The following MICAL3 variants were observed in gnomAD, a reference collection of about 807,000 sequenced individuals.
MICAL3 encodes microtubule associated monooxygenase, calponin and LIM domain containing 3, also known as [F-actin]-monooxygenase MICAL3.
A neutral mutation model predicts 207.4 loss-of-function variants in MICAL3; 62 were observed. That is an observed-to-expected ratio of 0.30 (90% CI 0.24 to 0.37). The LOEUF (loss-of-function observed/expected upper bound fraction) is 0.37, where lower values mean the gene tolerates loss of function less well. Among genes scored for constraint, MICAL3 ranks in the 10% least tolerant of loss-of-function variants. The pLI, the probability that MICAL3 is intolerant of heterozygous loss-of-function variation, is 1.00. For synonymous variants in MICAL3, 1,077 were observed against 1,069.3 expected (o/e 1.01, Z -0.14); for missense variants, 2,368 against 2,635.6 (o/e 0.90, Z 2.22).
chr22:17,829,828 C>A (rs1922605250), intron 21 of MICAL3, among the ~76,000 whole-genome samples: 2 of 152,174 alleles, frequency 1.3e-5, no homozygotes, highest in Admixed American at 1.3e-4. Flanking sequence ...TTCCATGAGG[C>A]CACTTCTGGA....
At position 17,795,482 on chromosome 22, in the gene MICAL3, G is replaced by A. The variant is rs542591967; in HGVS notation, c.5651-4181C>T. 2.6e-5 allele frequency among the ~76,000 whole-genome samples: 4 copies of A among 152,316 alleles called. No homozygotes were observed. The South Asian group carries it at 6.2e-4, about 24-fold the overall frequency. On this transcript the variant is annotated intron_variant, in intron 29 of 31. Transcript: ENST00000441493. ...CCTGCACGGGTAATAATTACAACAC[G>A]TGTTTCTGCTTTCTGGACAGCACAA...
At chr22:17,926,930 G>GAT (rs1000851152) in intron 1 of MICAL3, among the ~76,000 whole-genome samples, 18 of 151,454 alleles carry the variant, frequency 1.2e-4, no homozygotes, top group Non-Finnish European at 2.2e-4. Flanking sequence ...ATTGTGTTAA[G>GAT]ATATATATAA....
Position 17,791,662 on chromosome 22 carries a change from C to T in MICAL3, c.5651-361G>A. ...ATTTGGCACTTGCTATGTACTAGGT[C>T]TCCTTGGAGGAAACCCGTCTTGTTA... On this transcript the variant is annotated intron_variant, in intron 29 of 31. Coordinates refer to ENST00000441493, the MANE Select transcript of MICAL3 (RefSeq NM_015241.3). 1.4e-5 allele frequency: 4 copies of T among 278,358 alleles called. No individual in the cohort carries two copies. The South Asian group carries it at 1.8e-4, about 13-fold the overall frequency. 17.2% of individuals were successfully genotyped at this position (278,358 alleles called of 1,614,324 possible).
intron 20 of MICAL3, chr22:17,834,691 T>G: frequency 1.3e-6 from 1 of 788,402 alleles, no homozygotes; most frequent in Non-Finnish European, 1.6e-6. Context: ...AGGTCGAAAG[T>G]GGGCAAACCT....
At chr22:17,845,694 G>A (rs918227982) in intron 19 of MICAL3, among the ~76,000 whole-genome samples, 1 of 151,896 alleles carries the variant, frequency 6.6e-6, no homozygotes, top group African/African-American at 2.4e-5. Context: ...GAGGAGGAAA[G>A]GCATCACTCA....
In MICAL3 at chr22:17,901,982, G is replaced by A; in HGVS notation, c.590-3C>T. ...CACCAGTGCCCGCCAGCCTATCCCT[G>A]TGAACCAAAACCAAATAAATGGGGG... On this transcript the variant is annotated splice_region_variant and splice_polypyrimidine_tract_variant and intron_variant, in intron 4 of 31. Transcript: ENST00000441493. 1 of 1,610,764 alleles carries A rather than the reference G, an allele frequency of 6.2e-7. No individual in the cohort carries two copies. Among genetic ancestry groups the A allele is most frequent in the Non-Finnish European group, 8.5e-7 (1 of 1,178,322 alleles).
chr22:17,854,182 T>TCCCAGTTGAAA (rs1925644831), intron 19 of MICAL3, among the ~76,000 whole-genome samples: 1 of 151,636 alleles, frequency 6.6e-6, no homozygotes, highest in Non-Finnish European at 1.5e-5. Context: ...CCTGGGTCAC[T>TCCCAGTTGAAA]TGGCAATGTC....
chr22:17,818,147 G>T lies in MICAL3; in HGVS notation c.4514C>A (p.Pro1505His), dbSNP rs752726845. The change falls in exon 26 of 32, where the codon CCC becomes CAC. Residue 1505 changes from proline (P) to histidine (H), a missense_variant. Physicochemically the swap from Pro to His is moderately conservative, Grantham distance 77. Transcript: ENST00000441493. ...AAACGACTTCCGCACCTCCTCTCTG[G>T]GGGGCTGAGCAGGCTCCCGGGGGGG... is the stretch of plus-strand genomic sequence containing the variant. ...MRPPREPAQP[P>H]REEVRKSFVE... The T allele has an allele frequency of 5.0e-6, 8 of 1,605,994 alleles. No homozygotes were observed. In the African/African-American group the frequency reaches 5.3e-5, roughly 11 times the overall value.
At chr22:17,967,874 G>C (rs113941623) in intron 1 of MICAL3, among the ~76,000 whole-genome samples, 2 of 152,054 alleles carry the variant, frequency 1.3e-5, no homozygotes, top group East Asian at 1.9e-4. Flanking sequence ...GTGAAACCCT[G>C]TCTACTAAAA....
chr22:17,847,377 A>C (rs1456449982), intron 19 of MICAL3, among the ~76,000 whole-genome samples: 1 of 152,230 alleles, frequency 6.6e-6, no homozygotes, highest in African/African-American at 2.4e-5. Flanking sequence ...ACACAGACTG[A>C]TTCCCATCCT....
chr22:17,821,852 C>T (rs1921683883), intron 24 of MICAL3, among the ~76,000 whole-genome samples, 178 bp downstream of exon 24: 1 of 152,250 alleles, frequency 6.6e-6, no homozygotes, highest in African/African-American at 2.4e-5. Flanking sequence ...GCAACTGCAG[C>T]AGCCTGTGGC....
intron 1 of MICAL3, among the ~76,000 whole-genome samples, chr22:17,929,843 C>T (rs1309036356): frequency 1.3e-5 from 2 of 152,226 alleles, no homozygotes; most frequent in Non-Finnish European, 2.9e-5. Flanking sequence ...GCTGGGATTA[C>T]AGGCGTGAGC....
Position 17,978,371 on chromosome 22 carries a change from C to T in MICAL3, c.-75+45910G>A, listed in dbSNP as rs148684840. ...GAAAGAAAGTAGATGAGTAGTTGGC[C>T]ATGGCTCAGGAGAGGGGCTGGAGAA... On this transcript the variant is annotated intron_variant, in intron 1 of 31. Coordinates refer to ENST00000441493, the MANE Select transcript of MICAL3 (RefSeq NM_015241.3). 3.6e-3 allele frequency among the ~76,000 whole-genome samples: 542 copies of T among 152,254 alleles called. 3 individuals are homozygous for T. The highest frequency in any genetic ancestry group is 0.012 in the African/African-American group (514 of 41,540).
intron 1 of MICAL3, among the ~76,000 whole-genome samples, chr22:17,938,778 CA>C (rs1396456369): frequency 6.6e-6 from 1 of 152,154 alleles, no homozygotes; most frequent in African/African-American, 2.4e-5. Flanking sequence ...GCTGACATCT[CA>C]AGGTCATTCA....
intron 1 of MICAL3, among the ~76,000 whole-genome samples, chr22:17,953,391 G>T (rs890524955): frequency 2.0e-5 from 3 of 152,128 alleles, no homozygotes; most frequent in Non-Finnish European, 2.9e-5. Context: ...GGCAGTGGGG[G>T]TGGGCAATGC....
At chr22:17,866,613 C>CAGAATGGAAT (rs1556037532) in intron 17 of MICAL3, among the ~76,000 whole-genome samples, 1 of 136,176 alleles carries the variant, frequency 7.3e-6, no homozygotes, top group African/African-American at 2.9e-5. Flanking sequence ...TAGAACAGAA[C>CAGAATGGAAT]AGAATAGAAT....
rs5992126 is a variant in MICAL3 at position 17,867,748 on chromosome 22, C to T, written c.2429-1736G>A. ...GGGCAGCCCTTCCCTGGGGACTGCTCTCTGGATGGAAGCTATAAAGTTAAG... is the reference window on the plus strand; with the variant it reads ...GGGCAGCCCTTCCCTGGGGACTGCTTTCTGGATGGAAGCTATAAAGTTAAG... On this transcript the variant is annotated intron_variant, in intron 17 of 31. Coordinates refer to ENST00000441493, the MANE Select transcript of MICAL3 (RefSeq NM_015241.3). Among the ~76,000 whole-genome samples the T allele has an allele frequency of 9.9e-5, 15 of 152,206 alleles. No homozygotes were observed. In the East Asian group the frequency reaches 2.9e-3, roughly 29 times the overall value.
intron 19 of MICAL3, among the ~76,000 whole-genome samples, chr22:17,858,248 G>C (rs918508415): frequency 6.6e-6 from 1 of 152,222 alleles, no homozygotes; most frequent in African/African-American, 2.4e-5. Context: ...CAGCCAACAG[G>C]GTGCTGAGAA....
At chr22:18,001,218 G>A (rs1344290323) in intron 1 of MICAL3, 2 of 151,962 alleles carry the variant, frequency 1.3e-5, no homozygotes, top group Admixed American at 6.6e-5. Flanking sequence ...GGCGGCTCCC[G>A]GCTTCGGCAC....
Sources: allele counts gnomAD v4.1 joint callset (sites outside exome capture counted in the v4.1 genomes callset), GRCh38; gene constraint gnomAD v4.1.1; transcripts MANE v1.5; gene names NCBI Gene and HGNC (gene_info 2026-07-23, HGNC 2026-07-21).